SNX3: variants seen among roughly 807,000 people sequenced by gnomAD.
SNX3 encodes sorting nexin 3, also known as sorting nexin-3.
Under a neutral mutation model 17.7 loss-of-function variants are expected in SNX3, and 5 were observed. The observed-to-expected ratio is 0.28, with a 90% CI of 0.15 to 0.59. SNX3 has a LOEUF of 0.59. Ranked by LOEUF, SNX3 falls within the 20% of genes least tolerant of loss-of-function variation. The pLI is 0.88. For missense variants in SNX3, 132 were observed against 206.8 expected (o/e 0.64, Z 2.22); for synonymous variants, 91 against 76.5 (o/e 1.19, Z -0.99).
intron 1 of SNX3, among the ~76,000 whole-genome samples, chr6:108,237,776 T>A: frequency 6.9e-6 from 1 of 145,118 alleles, no homozygotes; most frequent in Non-Finnish European, 1.5e-5. Flanking sequence ...GGGACAAGAG[T>A]GAGACTCTAT....
chr6:108,214,402 C>G (rs1774501871), intron 3 of SNX3, 96 bp downstream of exon 3: 1 of 1,224,564 alleles, frequency 8.2e-7, no homozygotes, highest in Non-Finnish European at 1.2e-6. Flanking sequence ...TAGGAAATGG[C>G]TGAAAGAAAA....
chr6:108,251,414 C>T (rs747464779), intron 1 of SNX3, among the ~76,000 whole-genome samples: 1 of 152,188 alleles, frequency 6.6e-6, no homozygotes, highest in Non-Finnish European at 1.5e-5. Context: ...CTACTCTTCC[C>T]TTCTTCACAT....
chr6:108,241,909 T>C (rs1275628997), intron 1 of SNX3, among the ~76,000 whole-genome samples: 7 of 152,308 alleles, frequency 4.6e-5, no homozygotes, highest in Non-Finnish European at 8.8e-5. Flanking sequence ...GCTATCAATA[T>C]GTTCAAATTA....
chr6:108,234,752 T>A (rs761488386), intron 1 of SNX3, among the ~76,000 whole-genome samples: 4 of 152,176 alleles, frequency 2.6e-5, no homozygotes, highest in Non-Finnish European at 5.9e-5. Flanking sequence ...ATTAACATGA[T>A]TATATACAGA....
At chr6:108,255,108 A>G (rs1775990999) in intron 1 of SNX3, among the ~76,000 whole-genome samples, 1 of 152,240 alleles carries the variant, frequency 6.6e-6, no homozygotes, top group African/African-American at 2.4e-5. Flanking sequence ...TAAAAACTCA[A>G]TATAACAGGA....
intron 1 of SNX3, among the ~76,000 whole-genome samples, chr6:108,259,109 A>C (rs558511291): frequency 6.6e-6 from 1 of 152,228 alleles, no homozygotes; most frequent in East Asian, 1.9e-4. Context: ...ACCATCTGTC[A>C]TGTATTACAG....
At chr6:108,244,457 T>C (rs1036802819) in intron 1 of SNX3, among the ~76,000 whole-genome samples, 2 of 152,086 alleles carry the variant, frequency 1.3e-5, no homozygotes, top group South Asian at 2.1e-4. Context: ...ACCTGGCCCC[T>C]CCATACTGTT....
At position 108,260,697 on chromosome 6, in the gene SNX3, T is replaced by A. The variant is rs934519537; in HGVS notation, c.162+63A>T. ...CTGCCCGCGGGGGTCCACTCCCGGG[T>A]CGAGTGGGGGTGACCAGAGCCAGCG... is the stretch of plus-strand genomic sequence containing the variant. On this transcript the variant is annotated intron_variant, in intron 1 of 3. Coordinates refer to ENST00000230085, the MANE Select transcript of SNX3 (RefSeq NM_003795.6). The A allele has an allele frequency of 1.9e-6, 3 of 1,583,142 alleles. No individual in the cohort carries two copies. In the African/African-American group the frequency reaches 4.1e-5, roughly 22 times the overall value.
At chr6:108,222,362 T>C (rs1774814823) in intron 2 of SNX3, 2 of 1,300,600 alleles carry the variant, frequency 1.5e-6, no homozygotes, top group Non-Finnish European at 2.0e-6. Context: ...CTTTAATTTA[T>C]TTTGATGCCA....
chr6:108,241,257 C>T (rs189143703), intron 1 of SNX3, among the ~76,000 whole-genome samples: 1 of 151,212 alleles, frequency 6.6e-6, no homozygotes, highest in Non-Finnish European at 1.5e-5. Context: ...AGACCTTTCA[C>T]AGACAAGGGA....
chr6:108,238,032 G>C (rs908384519), intron 1 of SNX3, among the ~76,000 whole-genome samples: 15 of 145,172 alleles, frequency 1.0e-4, no homozygotes, highest in African/African-American at 3.6e-4. Context: ...GGAGGTCAAG[G>C]ATGAAGATGA....
chr6:108,252,082 T>TAAAAA (rs1381655360), intron 1 of SNX3: 1 of 103,306 alleles, frequency 9.7e-6, no homozygotes, highest in African/African-American at 5.9e-5. Context: ...AATAAATAAA[T>TAAAAA]AAAACAAACA....
chr6:108,238,312 G>A (rs1458161959), intron 1 of SNX3, among the ~76,000 whole-genome samples: 1 of 152,042 alleles, frequency 6.6e-6, no homozygotes, highest in Admixed American at 6.6e-5. Context: ...TTAAAGAGAT[G>A]GAATACCACT....
At chr6:108,235,124 A>G (rs1421412411) in intron 1 of SNX3, among the ~76,000 whole-genome samples, 3 of 152,192 alleles carry the variant, frequency 2.0e-5, no homozygotes, top group African/African-American at 7.2e-5. Flanking sequence ...CCTCTCTCAC[A>G]TTGGCTTGGC....
At chr6:108,242,270 C>A (rs1775544638) in intron 1 of SNX3, among the ~76,000 whole-genome samples, 1 of 152,104 alleles carries the variant, frequency 6.6e-6, no homozygotes, top group African/African-American at 2.4e-5. Context: ...TAAATAATGG[C>A]TGAAAACTTA....
intron 1 of SNX3, among the ~76,000 whole-genome samples, chr6:108,256,447 G>A (rs1776031622): frequency 6.6e-6 from 1 of 152,190 alleles, no homozygotes; most frequent in South Asian, 2.1e-4. Flanking sequence ...TTTAGAAAGA[G>A]CTAAATTTTG....
At chr6:108,237,396 C>A (rs1346448636) in intron 1 of SNX3, among the ~76,000 whole-genome samples, 2 of 152,120 alleles carry the variant, frequency 1.3e-5, no homozygotes, top group Non-Finnish European at 2.9e-5. Flanking sequence ...AGATTTTAAA[C>A]CATGATATCT....
chr6:108,236,264 G>A (rs1034010462), intron 1 of SNX3, among the ~76,000 whole-genome samples: 2 of 151,556 alleles, frequency 1.3e-5, no homozygotes, highest in African/African-American at 4.8e-5. Flanking sequence ...CAGGATGATT[G>A]CTTGAAGCCA....
intron 1 of SNX3, among the ~76,000 whole-genome samples, chr6:108,257,369 T>C (rs1211119805): frequency 6.6e-6 from 1 of 151,930 alleles, no homozygotes; most frequent in Non-Finnish European, 1.5e-5. Context: ...AATAAAAAAT[T>C]AGCCAGGTAT....
Sources: allele counts gnomAD v4.1 joint callset (sites outside exome capture counted in the v4.1 genomes callset), GRCh38; gene constraint gnomAD v4.1.1; transcripts MANE v1.5; gene names NCBI Gene and HGNC (gene_info 2026-07-23, HGNC 2026-07-21).